ZIM2: variants seen among roughly 807,000 people sequenced by gnomAD.
ZIM2 encodes zinc finger protein 656.
In ZIM2, 14 loss-of-function variants were observed where a neutral mutation model predicts 38.6. The observed-to-expected ratio is 0.36, with a 90% confidence interval of 0.24 to 0.57. ZIM2 has a LOEUF of 0.57. Ranked by LOEUF, ZIM2 falls within the 20% of genes least tolerant of loss-of-function variation. ZIM2 has a pLI of 0.81. For missense variants in ZIM2, 680 were observed against 695.1 expected (o/e 0.98, Z 0.24); for synonymous variants, 247 against 245.8 (o/e 1.00, Z -0.04).
chr19:56,813,774 G>A, intron 9 of ZIM2: 1 of 1,613,930 alleles, frequency 6.2e-7, no homozygotes, highest in Non-Finnish European at 8.5e-7. Context: ...CAGCTTGATT[G>A]GCACCACCTG....
intron 9 of ZIM2, chr19:56,811,061 T>A (rs1317439101): frequency 1.0e-6 from 1 of 976,600 alleles, no homozygotes; most frequent in East Asian, 1.1e-4. Flanking sequence ...ATGAACAAGA[T>A]AAGAGGAGAG....
At chr19:56,815,821 T>A (rs774512500) in intron 9 of ZIM2, 1 of 1,613,682 alleles carries the variant, frequency 6.2e-7, no homozygotes. Context: ...GGCAGGAATC[T>A]TCTGTCGCTT....
In ZIM2 at chr19:56,817,717, C is replaced by G. The variant is rs2060111176; in HGVS notation, c.490+29G>C. 3.1e-6 allele frequency: 5 copies of G among 1,596,396 alleles called. No homozygotes were observed. The East Asian group carries it at 1.1e-4, about 36-fold the overall frequency. On this transcript the variant is annotated intron_variant, in intron 9 of 12. Transcript: ENST00000629319. ...TGATAGCATCTCACTGGTTGTGTGG[C>G]TCCTCTGTGGGATGTGCCTCCTGCT... is the stretch of plus-strand genomic sequence containing the variant.
chr19:56,831,577 T>C (rs2061573411), intron 2 of ZIM2, among the ~76,000 whole-genome samples: 1 of 152,230 alleles, frequency 6.6e-6, no homozygotes, highest in African/African-American at 2.4e-5. Flanking sequence ...ACAAACATAC[T>C]TTGTTCTAAG....
Position 56,775,490 on chromosome 19 carries a change from T to A in ZIM2, c.875A>T (p.Asn292Ile), listed in dbSNP as rs1368006859. ...HDDPLEPHQG[N>I]QEKLLTPITM... ...TATAGGAGTCAAAAGTTTCTCTTGG[T>A]TGCCCTGGTGTGGTTCCAATGGATC... is the stretch of plus-strand genomic sequence containing the variant. Residue 292 changes from asparagine to isoleucine, a missense_variant, in exon 13 of 13, where the codon AAC becomes ATC. Asn to Ile is a moderately radical substitution (Grantham distance 149). Coordinates refer to ENST00000629319, the MANE Select transcript of ZIM2 (RefSeq NM_001387356.1). 1 of 1,613,662 alleles carries A rather than the reference T, an allele frequency of 6.2e-7. No homozygotes were observed. Among genetic ancestry groups the A allele is most frequent in the African/African-American group, 1.3e-5 (1 of 74,824 alleles).
chr19:56,817,888 C>A (rs567492433), intron 8 of ZIM2, 50 bp from the exon 9 acceptor site: 1 of 1,401,740 alleles, frequency 7.1e-7, no homozygotes, highest in African/African-American at 1.4e-5. Flanking sequence ...AGGACCAAGA[C>A]TCATCACCAT....
At chr19:56,801,324 C>T (rs375138891) in intron 9 of ZIM2, among the ~76,000 whole-genome samples, 5 of 152,264 alleles carry the variant, frequency 3.3e-5, no homozygotes, top group East Asian at 3.9e-4. Context: ...CCCTTATCCT[C>T]AGTGGCCTCT....
At chr19:56,781,852 C>T in intron 11 of ZIM2, 101 bp downstream of exon 11, 15 of 1,453,038 alleles carry the variant, frequency 1.0e-5, no homozygotes, top group Non-Finnish European at 1.4e-5. Context: ...TTGAGACTCA[C>T]TGACATGGTG....
chr19:56,806,091 A>T (rs1299632529), intron 9 of ZIM2, among the ~76,000 whole-genome samples: 1 of 152,208 alleles, frequency 6.6e-6, no homozygotes, highest in Non-Finnish European at 1.5e-5. Context: ...TATATAATAG[A>T]GTGTGCAAAT....
At chr19:56,819,523 G>A (rs1600995369) in intron 7 of ZIM2, among the ~76,000 whole-genome samples, 1 of 152,210 alleles carries the variant, frequency 6.6e-6, no homozygotes, top group Non-Finnish European at 1.5e-5. Context: ...CACTGAGGCT[G>A]GAGAGAGACT....
intron 9 of ZIM2, among the ~76,000 whole-genome samples, chr19:56,797,588 G>C (rs2047295690): frequency 6.6e-6 from 1 of 152,030 alleles, no homozygotes; most frequent in African/African-American, 2.4e-5. Context: ...TGCACTGGAG[G>C]AACTTGGATT....
At chr19:56,809,499 A>C (rs774558942) in intron 9 of ZIM2, among the ~76,000 whole-genome samples, 1 of 152,140 alleles carries the variant, frequency 6.6e-6, no homozygotes, top group Non-Finnish European at 1.5e-5. Context: ...AGCTGGTTGA[A>C]AAGCTCTGAT....
intron 9 of ZIM2, among the ~76,000 whole-genome samples, chr19:56,804,067 G>T (rs1307093542): frequency 6.6e-6 from 1 of 152,208 alleles, no homozygotes; most frequent in South Asian, 2.1e-4. Context: ...AGGTGGCTGG[G>T]ACTCATCCCA....
At chr19:56,794,652 A>T (rs1043113533) in intron 9 of ZIM2, among the ~76,000 whole-genome samples, 8 of 152,202 alleles carry the variant, frequency 5.3e-5, no homozygotes, top group African/African-American at 1.7e-4. Context: ...ATAAGATTAC[A>T]TGTCTCACTC....
chr19:56,789,695 G>GA (rs952322718), intron 10 of ZIM2, among the ~76,000 whole-genome samples, 177 bp downstream of exon 10: 1 of 151,294 alleles, frequency 6.6e-6, no homozygotes, highest in African/African-American at 2.4e-5. Context: ...GGAGAAATAA[G>GA]AAAAAAAAGA....
Position 56,815,029 on chromosome 19 carries a change from C to T in ZIM2, c.490+2717G>A, listed in dbSNP as rs767161657. On this transcript the variant is annotated intron_variant, in intron 9 of 12. Coordinates refer to ENST00000629319, the MANE Select transcript of ZIM2 (RefSeq NM_001387356.1). Reference sequence around the variant, plus strand: ...GTGAATTACAGAATGTGTGTACTCCCGACTGTCAACCAGGCACTTCCTGCT... The same window carrying T: ...GTGAATTACAGAATGTGTGTACTCCTGACTGTCAACCAGGCACTTCCTGCT... The T allele has an allele frequency of 1.7e-5, 28 of 1,614,054 alleles. No homozygotes were observed. The highest frequency in any genetic ancestry group is 1.6e-4 in the East Asian group (7 of 44,890).
At chr19:56,799,161 A>G (rs914942040) in intron 9 of ZIM2, 4 of 152,184 alleles carry the variant, frequency 2.6e-5, no homozygotes, top group Admixed American at 6.5e-5. Context: ...ATACATGTGC[A>G]TGTTCATTGC....
At chr19:56,777,113 G>C (rs904115973) in intron 12 of ZIM2, among the ~76,000 whole-genome samples, 3 of 152,198 alleles carry the variant, frequency 2.0e-5, no homozygotes, top group Admixed American at 1.3e-4. Context: ...CTGTGGTTTG[G>C]AAGAGAGGTG....
intron 9 of ZIM2, chr19:56,812,033 G>C (rs1393561751): frequency 6.1e-6 from 6 of 984,408 alleles, no homozygotes; most frequent in Non-Finnish European, 7.2e-6. Flanking sequence ...AGATCCAGAA[G>C]AGTAAGATTC....
Sources: gnomAD v4.1 joint callset for allele counts (sites outside exome capture counted in the v4.1 genomes callset) on GRCh38, gnomAD v4.1.1 for gene constraint, MANE v1.5 for transcripts, NCBI Gene and HGNC (gene_info 2026-07-23, HGNC 2026-07-21) for gene names.